The following ZMYM4 variants were observed in gnomAD, a reference collection of about 807,000 sequenced individuals.
ZMYM4 encodes the protein zinc finger MYM-type protein 4.
Under a neutral mutation model 183.2 loss-of-function variants are expected in ZMYM4, and 31 were observed. That is an observed-to-expected ratio of 0.17 (90% CI 0.13 to 0.23). The LOEUF is 0.23. Among genes scored for constraint, ZMYM4 ranks in the 10% least tolerant of loss-of-function variants. The pLI is 1.00. For synonymous variants in ZMYM4, 592 were observed against 631.2 expected (o/e 0.94, Z 0.93); for missense variants, 1,273 against 1,840.3 (o/e 0.69, Z 5.64).
At chr1:35,360,514 A>AT in intron 3 of ZMYM4, among the ~76,000 whole-genome samples, 1 of 152,224 alleles carries the variant, frequency 6.6e-6, no homozygotes, top group South Asian at 2.1e-4. Context: ...CTGTGCAAGG[A>AT]TATACTATAT....
In ZMYM4 at chr1:35,302,084, C is replaced by G. The variant is rs988591890; in HGVS notation, c.40-23276C>G. Among the ~76,000 whole-genome samples the G allele has an allele frequency of 2.6e-5, 4 of 151,796 alleles. No homozygotes were observed. The East Asian group carries it at 5.8e-4, about 22-fold the overall frequency. On this transcript the variant is annotated intron_variant, in intron 1 of 29. Transcript: ENST00000314607. The stretch of plus-strand genomic sequence containing the variant: ...CGAAAAGTTGAAATCCTGTTCCATT[C>G]ATTTTTGTTGTCTGAGCGCAGTCTC...
chr1:35,384,603 T>C lies in ZMYM4; in HGVS notation c.1570-839T>C, dbSNP rs373927492. Among the ~76,000 whole-genome samples the C allele has an allele frequency of 4.5e-4, 69 of 151,808 alleles. 1 individual carries two copies. Among genetic ancestry groups the C allele is most frequent in the African/African-American group, 1.6e-3 (67 of 41,420 alleles). On this transcript the variant is annotated intron_variant, in intron 9 of 29. Coordinates refer to ENST00000314607, the MANE Select transcript of ZMYM4 (RefSeq NM_005095.3). ...GCTCTTACTTTACGCTTATGGAGTATTTTTTTTATTATTAGTGGTAGAATA... is the reference window on the plus strand; with the variant it reads ...GCTCTTACTTTACGCTTATGGAGTACTTTTTTTATTATTAGTGGTAGAATA...
chr1:35,408,198 T>A, intron 26 of ZMYM4, 39 bp downstream of exon 26: 1 of 1,610,822 alleles, frequency 6.2e-7, no homozygotes, highest in Non-Finnish European at 8.5e-7. Flanking sequence ...ACCTAGCAAA[T>A]CCATTGACCA....
chr1:35,367,284 A>C (rs1323478338), intron 5 of ZMYM4, among the ~76,000 whole-genome samples: 1 of 151,838 alleles, frequency 6.6e-6, no homozygotes, highest in African/African-American at 2.4e-5. Context: ...CAATGGTGCA[A>C]TATTGGCTCG....
chr1:35,288,556 T>C (rs557135079), intron 1 of ZMYM4, among the ~76,000 whole-genome samples: 1 of 152,334 alleles, frequency 6.6e-6, no homozygotes, highest in Non-Finnish European at 1.5e-5. Context: ...CTTTGCCTAA[T>C]TCCACCCAGC....
chr1:35,311,897 C>G (rs916273233), intron 1 of ZMYM4, among the ~76,000 whole-genome samples: 1 of 151,742 alleles, frequency 6.6e-6, no homozygotes, highest in Non-Finnish European at 1.5e-5. Flanking sequence ...TTTTCTTTTT[C>G]CTTTTTTTTC....
At chr1:35,334,036 T>TAAA (rs375959822) in intron 2 of ZMYM4, among the ~76,000 whole-genome samples, 1 of 140,010 alleles carries the variant, frequency 7.1e-6, no homozygotes, top group Non-Finnish European at 1.6e-5. Context: ...TTCTGTGACT[T>TAAA]AAAAAAAAAA....
chr1:35,375,135 C>A (rs1479038383), intron 7 of ZMYM4, among the ~76,000 whole-genome samples: 1 of 151,810 alleles, frequency 6.6e-6, no homozygotes, highest in Admixed American at 6.6e-5. Context: ...GCCTTTTCTT[C>A]TTCATCTTCT....
chr1:35,352,645 TCAG>T (rs1326663337), intron 2 of ZMYM4, among the ~76,000 whole-genome samples: 3 of 152,362 alleles, frequency 2.0e-5, no homozygotes, highest in Admixed American at 2.0e-4. Flanking sequence ...ATCAGTCATC[TCAG>T]CAGCATTCAT....
rs185967250 is a variant in ZMYM4 at position 35,409,801 on chromosome 1, G to A, written c.3948+1642G>A. On this transcript the variant is annotated intron_variant, in intron 26 of 29. Transcript: ENST00000314607. ...CTAAGAATACAAAAATTAGCTGGGC[G>A]TGGTGGCACATGCCTGTAGTCCCAG... is the stretch of plus-strand genomic sequence containing the variant. Among the ~76,000 whole-genome samples, 1,282 of 152,122 alleles carry A rather than the reference G, an allele frequency of 8.4e-3. 17 individuals are homozygous for A. The highest frequency in any genetic ancestry group is 0.029 in the African/African-American group (1,212 of 41,500).
intron 1 of ZMYM4, among the ~76,000 whole-genome samples, chr1:35,323,374 G>T (rs767784991): frequency 6.6e-6 from 1 of 152,156 alleles, no homozygotes; most frequent in Admixed American, 6.5e-5. Context: ...GGGATAGAGA[G>T]TCATGAGAAA....
chr1:35,295,233 A>G (rs1378305903), intron 1 of ZMYM4, among the ~76,000 whole-genome samples: 1 of 152,232 alleles, frequency 6.6e-6, no homozygotes. Context: ...AGGGTATTGC[A>G]ATTCTGAACA....
chr1:35,307,537 TTATTA>T (rs1159394013), intron 1 of ZMYM4, among the ~76,000 whole-genome samples: 17 of 146,540 alleles, frequency 1.2e-4, no homozygotes, highest in South Asian at 4.2e-4. Context: ...ATTATTATTA[TTATTA>T]TTTTTTTTTT....
At chr1:35,335,464 T>G (rs1049461787) in intron 2 of ZMYM4, among the ~76,000 whole-genome samples, 2 of 152,122 alleles carry the variant, frequency 1.3e-5, no homozygotes, top group African/African-American at 4.8e-5. Flanking sequence ...CTCAAACTCC[T>G]GACCAGGACT....
intron 1 of ZMYM4, among the ~76,000 whole-genome samples, chr1:35,322,452 G>A (rs1642323550): frequency 6.6e-6 from 1 of 151,570 alleles, no homozygotes; most frequent in African/African-American, 2.4e-5. Flanking sequence ...ACTTATCTGG[G>A]ATTAATGTTG....
At chr1:35,352,269 G>GCGCGCACACACACA (rs1366886543) in intron 2 of ZMYM4, among the ~76,000 whole-genome samples, 2 of 124,526 alleles carry the variant, frequency 1.6e-5, no homozygotes, top group African/African-American at 6.7e-5. Flanking sequence ...ACGCGCGCGC[G>GCGCGCACACACACA]CACACACACA....
At chr1:35,322,606 G>A (rs1049541677) in intron 1 of ZMYM4, among the ~76,000 whole-genome samples, 6 of 152,286 alleles carry the variant, frequency 3.9e-5, no homozygotes, top group Admixed American at 3.3e-4. Flanking sequence ...AAAAGTTTCA[G>A]TAGAAATAGT....
At chr1:35,353,208 A>G (rs1643694293) in intron 2 of ZMYM4, among the ~76,000 whole-genome samples, 1 of 152,110 alleles carries the variant, frequency 6.6e-6, no homozygotes, top group Admixed American at 6.5e-5. Context: ...CACCATTATT[A>G]TTACCTTGGG....
chr1:35,283,595 C>T (rs2148695251), intron 1 of ZMYM4, among the ~76,000 whole-genome samples: 1 of 151,846 alleles, frequency 6.6e-6, no homozygotes, highest in East Asian at 1.9e-4. Flanking sequence ...CCTCGGCCTC[C>T]CAAAGTGCTG....
Sources: gnomAD v4.1 joint callset for allele counts (sites outside exome capture counted in the v4.1 genomes callset) on GRCh38, gnomAD v4.1.1 for gene constraint, MANE v1.5 for transcripts, NCBI Gene and HGNC (gene_info 2026-07-23, HGNC 2026-07-21) for gene names.